DRC11: variants seen among roughly 807,000 people sequenced by gnomAD.
DRC11 encodes the protein IQ and AAA domain-containing protein 1.
the DRC11 span, among the ~76,000 whole-genome samples, chr2:236,309,265 G>A: frequency 6.6e-6 from 1 of 152,198 alleles, no homozygotes; most frequent in South Asian, 2.1e-4. The surrounding 1 kb of genome is among the most constrained non-coding windows in gnomAD (Gnocchi z 5.7). Flanking sequence ...TGCATCACAA[G>A]GTCGATAGCT....
At chr2:236,347,704 G>A in the DRC11 span, among the ~76,000 whole-genome samples, 1 of 151,888 alleles carries the variant, frequency 6.6e-6, no homozygotes, top group Non-Finnish European at 1.5e-5. Flanking sequence ...GGAACCTGTG[G>A]GGAAGAGTGG....
At chr2:236,382,015 T>C in the DRC11 span, among the ~76,000 whole-genome samples, 2 of 152,220 alleles carry the variant, frequency 1.3e-5, no homozygotes, top group Admixed American at 6.5e-5. Context: ...AAATTGTGTT[T>C]TGGATGCTAA....
At chr2:236,361,411 A>G in the DRC11 span, among the ~76,000 whole-genome samples, 1 of 152,194 alleles carries the variant, frequency 6.6e-6, no homozygotes, top group Non-Finnish European at 1.5e-5. This position sits in a 1 kb window ranked among gnomAD's most constrained non-coding sequence, Gnocchi z 5.7. Context: ...GGAGATGTAT[A>G]AAAGAGTATA....
the DRC11 span, among the ~76,000 whole-genome samples, chr2:236,339,716 G>A: frequency 6.6e-6 from 1 of 152,202 alleles, no homozygotes; most frequent in African/African-American, 2.4e-5. Context: ...GAACTGTAAT[G>A]TAAGGCTTTA....
the DRC11 span, among the ~76,000 whole-genome samples, chr2:236,322,074 A>G: frequency 6.6e-6 from 1 of 152,094 alleles, no homozygotes; most frequent in Non-Finnish European, 1.5e-5. Context: ...AAACATTCCA[A>G]GCCTGTGATA....
chr2:236,500,739 G>A, the DRC11 span, among the ~76,000 whole-genome samples: 3 of 152,236 alleles, frequency 2.0e-5, no homozygotes, highest in East Asian at 1.9e-4. This position sits in a 1 kb window ranked among gnomAD's most constrained non-coding sequence, Gnocchi z 6.3. Flanking sequence ...TTTCGTTCTC[G>A]TTGCCCAGGC....
the DRC11 span, among the ~76,000 whole-genome samples, chr2:236,489,615 A>T: frequency 4.6e-5 from 7 of 152,132 alleles, no homozygotes; most frequent in Admixed American, 4.6e-4. Context: ...GGGACAGATC[A>T]CTGGAGTCAG....
the DRC11 span, among the ~76,000 whole-genome samples, chr2:236,365,592 G>A: frequency 7.9e-5 from 12 of 152,134 alleles, no homozygotes; most frequent in Non-Finnish European, 1.3e-4. This position sits in a 1 kb window ranked among gnomAD's most constrained non-coding sequence, Gnocchi z 7.4. Flanking sequence ...GCTGAGGACA[G>A]AGCCTTGGGT....
At chr2:236,329,221 G>A in the DRC11 span, among the ~76,000 whole-genome samples, 5 of 152,298 alleles carry the variant, frequency 3.3e-5, no homozygotes, top group Middle Eastern at 3.4e-3. Context: ...CAGCTGACTA[G>A]CAGGCTTACT....
the DRC11 span, among the ~76,000 whole-genome samples, chr2:236,405,241 C>T: frequency 6.6e-6 from 1 of 152,032 alleles, no homozygotes; most frequent in Non-Finnish European, 1.5e-5. This position sits in a 1 kb window ranked among gnomAD's most constrained non-coding sequence, Gnocchi z 4.6. Flanking sequence ...CCATTGCTTT[C>T]CACACTTGCT....
At chr2:236,498,843 C>T in the DRC11 span, among the ~76,000 whole-genome samples, 1 of 152,186 alleles carries the variant, frequency 6.6e-6, no homozygotes, top group African/African-American at 2.4e-5. Context: ...CCCACCTTCC[C>T]CTACCAAATT....
chr2:236,470,632 C>T, the DRC11 span, among the ~76,000 whole-genome samples: 1 of 152,136 alleles, frequency 6.6e-6, no homozygotes, highest in Non-Finnish European at 1.5e-5. This position sits in a 1 kb window ranked among gnomAD's most constrained non-coding sequence, Gnocchi z 5.1. Context: ...TTTGTTTCAT[C>T]ATTTCATTTC....
chr2:236,395,634 C>T, the DRC11 span, among the ~76,000 whole-genome samples: 106 of 152,244 alleles, frequency 7.0e-4, 3 homozygotes, highest in East Asian at 0.018. Flanking sequence ...AGGAATAACA[C>T]GTAGTGATAA....
the DRC11 span, chr2:236,493,984 G>T: frequency 2.9e-6 from 3 of 1,022,992 alleles, no homozygotes; most frequent in South Asian, 2.8e-5. Flanking sequence ...CATCAAAGAC[G>T]CTTGCTTTAC....
At chr2:236,402,057 CT>C in the DRC11 span, among the ~76,000 whole-genome samples, 2 of 152,232 alleles carry the variant, frequency 1.3e-5, no homozygotes, top group African/African-American at 4.8e-5. The surrounding 1 kb of genome is among the most constrained non-coding windows in gnomAD (Gnocchi z 6.0). Flanking sequence ...CCATTGGACT[CT>C]CCCCAGTGCG....
chr2:236,439,508 T>A, the DRC11 span, among the ~76,000 whole-genome samples: 1 of 152,186 alleles, frequency 6.6e-6, no homozygotes, highest in Non-Finnish European at 1.5e-5. Context: ...AGATAAATAA[T>A]TGTTCAGTCT....
At chr2:236,347,855 C>CA in the DRC11 span, among the ~76,000 whole-genome samples, 4,244 of 141,950 alleles carry the variant, frequency 0.03, 131 homozygotes, top group East Asian at 0.18. Flanking sequence ...TAACTTACGG[C>CA]AAAAAAAAAA....
the DRC11 span, among the ~76,000 whole-genome samples, chr2:236,487,668 T>A: frequency 6.6e-6 from 1 of 152,214 alleles, no homozygotes; most frequent in Non-Finnish European, 1.5e-5. Flanking sequence ...TAATTATATA[T>A]CTGTGTGTGA....
At chr2:236,488,741 C>T in the DRC11 span, among the ~76,000 whole-genome samples, 2 of 152,174 alleles carry the variant, frequency 1.3e-5, no homozygotes, top group Non-Finnish European at 2.9e-5. Context: ...CATCTTAAAA[C>T]ATTCAAACAT....
Sources: gnomAD v4.1 joint callset for allele counts (sites outside exome capture counted in the v4.1 genomes callset) on GRCh38, gnomAD v4.1.1 for gene constraint, Gnocchi (gnomAD v3.1) non-coding constraint, MANE v1.5 for transcripts, NCBI Gene and HGNC (gene_info 2026-07-23, HGNC 2026-07-21) for gene names.